Variants in APLF observed in about 807,000 individuals in gnomAD.
The protein encoded by APLF is aprataxin and PNK-like factor.
Under a neutral mutation model 55.6 loss-of-function variants are expected in APLF, and 61 were observed. The observed-to-expected ratio is 1.10, with a 90% CI of 0.89 to 1.36. The LOEUF is 1.36. Ranked by LOEUF, APLF falls within the 40% of genes most tolerant of loss-of-function variation. The probability of loss-of-function intolerance (pLI) is 0.00; values close to 1 mark genes in which losing one functional copy is unlikely to be tolerated. For synonymous variants in APLF, 207 were observed against 214.8 expected (o/e 0.96, Z 0.32); for missense variants, 611 against 602.5 (o/e 1.01, Z -0.15).
chr2:68,570,850 A>G (rs1334804953), intron 9 of APLF, among the ~76,000 whole-genome samples: 1 of 152,192 alleles, frequency 6.6e-6, no homozygotes, highest in Non-Finnish European at 1.5e-5. Context: ...TTCTAGTTCT[A>G]GATCCCTGAG....
chr2:68,497,800 C>T (rs1413103932), intron 2 of APLF, among the ~76,000 whole-genome samples: 1 of 152,060 alleles, frequency 6.6e-6, no homozygotes, highest in African/African-American at 2.4e-5. Flanking sequence ...GAGATTTGGG[C>T]AGTGACAAAT....
chr2:68,513,006 C>T, intron 3 of APLF, 74 bp from the exon 4 acceptor site: 1 of 1,393,844 alleles, frequency 7.2e-7, no homozygotes, highest in South Asian at 1.4e-5. Flanking sequence ...AGGGACATAA[C>T]TTAGATGTAG....
intron 1 of APLF, among the ~76,000 whole-genome samples, chr2:68,470,957 A>G (rs1675598720): frequency 6.6e-6 from 1 of 152,150 alleles, no homozygotes; most frequent in South Asian, 2.1e-4. Flanking sequence ...TGGCAGCTCT[A>G]TACTTTTAAC....
At chr2:68,555,711 G>A (rs1447904110) in intron 8 of APLF, among the ~76,000 whole-genome samples, 1 of 152,058 alleles carries the variant, frequency 6.6e-6, no homozygotes, top group Non-Finnish European at 1.5e-5. Flanking sequence ...AATAAATGTT[G>A]GTGTGGATGT....
At chr2:68,552,868 C>G (rs948889713) in intron 8 of APLF, among the ~76,000 whole-genome samples, 2 of 152,070 alleles carry the variant, frequency 1.3e-5, no homozygotes, top group Middle Eastern at 3.2e-3. Context: ...GCTTTCTTCA[C>G]CTACTGAACT....
chr2:68,557,865 C>T (rs1302655770), intron 8 of APLF, among the ~76,000 whole-genome samples: 1 of 151,130 alleles, frequency 6.6e-6, no homozygotes, highest in African/African-American at 2.4e-5. Context: ...GAGCTGAGAT[C>T]GCACCACTGC....
In APLF at chr2:68,524,293, A is replaced by G. The variant is rs72901945; in HGVS notation, c.623-1768A>G. Reference sequence around the variant, plus strand: ...ATTTAGTTAAAATTTAGTTATTAGAATAGTTTATGCCTAAGTTTGATAATA... The same window carrying G: ...ATTTAGTTAAAATTTAGTTATTAGAGTAGTTTATGCCTAAGTTTGATAATA... On this transcript the variant is annotated intron_variant, in intron 5 of 9. Coordinates refer to ENST00000303795, the MANE Select transcript of APLF (RefSeq NM_173545.3). 6.5e-3 allele frequency among the ~76,000 whole-genome samples: 988 copies of G among 152,330 alleles called. 7 individuals carry two copies. Among genetic ancestry groups the G allele is most frequent in the African/African-American group, 0.023 (944 of 41,564 alleles).
chr2:68,473,496 T>C (rs1363193422), intron 1 of APLF, among the ~76,000 whole-genome samples: 1 of 152,212 alleles, frequency 6.6e-6, no homozygotes, highest in African/African-American at 2.4e-5. Context: ...ACGTAGGTCT[T>C]CAACTCATTT....
At chr2:68,524,776 G>A (rs1186460812) in intron 5 of APLF, among the ~76,000 whole-genome samples, 1 of 152,212 alleles carries the variant, frequency 6.6e-6, no homozygotes, top group Non-Finnish European at 1.5e-5. Context: ...GAAGGTACTG[G>A]AGACAAGGGA....
At chr2:68,469,776 A>G (rs1400995111) in intron 1 of APLF, among the ~76,000 whole-genome samples, 1 of 152,212 alleles carries the variant, frequency 6.6e-6, no homozygotes, top group African/African-American at 2.4e-5. Context: ...GCGAAGACTG[A>G]GTTCTAAGTG....
At chr2:68,517,475 T>TACTATATATTAATATATCAATGTTATC (rs1669649992) in intron 5 of APLF, among the ~76,000 whole-genome samples, 1 of 139,972 alleles carries the variant, frequency 7.1e-6, no homozygotes, top group African/African-American at 2.6e-5. Flanking sequence ...TCAATGTTAT[T>TACTATATATTAATATATCAATGTTATC]ACTATATATT....
chr2:68,494,294 A>G (rs952354929), intron 2 of APLF, among the ~76,000 whole-genome samples: 5 of 151,176 alleles, frequency 3.3e-5, no homozygotes, highest in African/African-American at 9.7e-5. Flanking sequence ...AAAAAAAAAA[A>G]AAAAAAAAGA....
chr2:68,498,153 T>G (rs150605025), intron 2 of APLF, among the ~76,000 whole-genome samples: 140 of 152,320 alleles, frequency 9.2e-4, no homozygotes, highest in Non-Finnish European at 1.5e-3. Context: ...GTTCATTCAT[T>G]TTATCTTAAT....
intron 1 of APLF, among the ~76,000 whole-genome samples, chr2:68,485,859 G>T (rs1381473396): frequency 6.8e-6 from 1 of 148,134 alleles, no homozygotes; most frequent in African/African-American, 2.5e-5. Flanking sequence ...GCCCAGACTG[G>T]AGTGCAGTGG....
At chr2:68,481,226 GTGAAGCCTTGTAGT>G (rs1212938450) in intron 1 of APLF, among the ~76,000 whole-genome samples, 4 of 152,172 alleles carry the variant, frequency 2.6e-5, no homozygotes, top group Non-Finnish European at 5.9e-5. Flanking sequence ...GAATTCAGCA[GTGAAGCCTTGTAGT>G]AATTCCTTTA....
intron 3 of APLF, among the ~76,000 whole-genome samples, chr2:68,504,668 A>C (rs528231928): frequency 6.6e-6 from 1 of 152,034 alleles, no homozygotes; most frequent in African/African-American, 2.4e-5. Flanking sequence ...TCTTCCCCTA[A>C]GATTGGGAAT....
At chr2:68,575,254 T>C (rs1357864276) in intron 9 of APLF, among the ~76,000 whole-genome samples, 5 of 152,128 alleles carry the variant, frequency 3.3e-5, no homozygotes, top group Admixed American at 3.3e-4. Context: ...ATGCCAGGCG[T>C]TGGGAATCAT....
chr2:68,538,012 A>C lies in APLF; in HGVS notation c.945A>C (p.Pro315=). 2 of 1,614,078 alleles carry C rather than the reference A, an allele frequency of 1.2e-6. No homozygotes were observed. The highest frequency in any genetic ancestry group is 1.7e-6 in the Non-Finnish European group (2 of 1,180,000). Residue 315 remains proline, a synonymous_variant, in exon 7 of 10, where the codon CCA becomes CCC. Coordinates refer to ENST00000303795, the MANE Select transcript of APLF (RefSeq NM_173545.3). ...SKHKIATKRT[P]HKEDEAMSCS... ...ATAAAATTGCCACTAAAAGAACACC[A>C]CATAAAGAAGATGAGGCAATGAGCT...
At chr2:68,531,407 A>C (rs1279822684) in intron 6 of APLF, 1 of 152,172 alleles carries the variant, frequency 6.6e-6, no homozygotes, top group Non-Finnish European at 1.5e-5. Flanking sequence ...GAAATGATTG[A>C]AATGCCAACA....
Sources: gnomAD v4.1 joint callset for allele counts (sites outside exome capture counted in the v4.1 genomes callset) on GRCh38, gnomAD v4.1.1 for gene constraint, MANE v1.5 for transcripts, NCBI Gene and HGNC (gene_info 2026-07-23, HGNC 2026-07-21) for gene names.